Variants in TBXAS1 observed in about 807,000 individuals in gnomAD.
The protein encoded by TBXAS1 is thromboxane A synthase 1, also known as thromboxane-A synthase.
In TBXAS1, 48 loss-of-function variants were observed where a neutral mutation model predicts 60.7. That is an observed-to-expected ratio of 0.79 (90% CI 0.63 to 1.01). The LOEUF is 1.01. Ranked by LOEUF, TBXAS1 falls within the 50% of genes least tolerant of loss-of-function variation. The pLI is 0.00. For synonymous variants in TBXAS1, 287 were observed against 269.7 expected (o/e 1.06, Z -0.63); for missense variants, 685 against 686.3 (o/e 1.00, Z 0.02).
At chr7:139,951,849 AGG>A (rs1809332269) in intron 5 of TBXAS1, among the ~76,000 whole-genome samples, 2 of 25,804 alleles carry the variant, frequency 7.8e-5, no homozygotes, top group East Asian at 1.9e-3. Context: ...GAAAGAAGGA[AGG>A]AAGGAAGGAA....
At chr7:139,799,834 CAG>C (rs1234809105) in intron 4 of TBXAS1, among the ~76,000 whole-genome samples, 2 of 152,202 alleles carry the variant, frequency 1.3e-5, no homozygotes, top group African/African-American at 4.8e-5. Flanking sequence ...GCTTCTGACT[CAG>C]AGTGTATGAG....
intron 1 of TBXAS1, among the ~76,000 whole-genome samples, chr7:139,857,031 C>T (rs970011155): frequency 7.2e-5 from 11 of 152,118 alleles, no homozygotes; most frequent in African/African-American, 2.7e-4. Context: ...CCCATCATGG[C>T]CAAGAACTCA....
intron 4 of TBXAS1, among the ~76,000 whole-genome samples, chr7:139,802,230 A>AT (rs1234553066): frequency 6.6e-6 from 1 of 152,060 alleles, no homozygotes; most frequent in East Asian, 1.9e-4. Context: ...CTACAGTAAC[A>AT]TTTTTTCTTT....
chr7:139,993,703 A>G (rs952600418), intron 9 of TBXAS1, among the ~76,000 whole-genome samples: 5 of 152,060 alleles, frequency 3.3e-5, no homozygotes, highest in African/African-American at 1.2e-4. Flanking sequence ...CTCCAATGCA[A>G]TGTAGCAGTG....
At chr7:140,007,061 C>A in intron 9 of TBXAS1, 30 bp from the exon 10 acceptor site, 1 of 1,599,216 alleles carries the variant, frequency 6.3e-7, no homozygotes, top group Non-Finnish European at 8.6e-7. Flanking sequence ...CTAACACGAA[C>A]TTCTCCCTTT....
At chr7:139,995,917 CCTCT>C (rs2117630271) in intron 9 of TBXAS1, among the ~76,000 whole-genome samples, 1 of 152,256 alleles carries the variant, frequency 6.6e-6, no homozygotes, top group South Asian at 2.1e-4. Context: ...TCATTCATCC[CCTCT>C]CTAACTACTC....
rs912080248 is a variant in TBXAS1, at chr7:139,975,763, C to T, written c.1134+13530C>T. Among the ~76,000 whole-genome samples, 2 of 152,226 alleles carry T rather than the reference C, an allele frequency of 1.3e-5. No individual in the cohort carries two copies. The highest frequency in any genetic ancestry group is 2.9e-5 in the Non-Finnish European group (2 of 68,040). ...AGCTTTTTCTCCCTCTTGCCATGTC[C>T]TTTTCACGGTCCATCCTCTGAGTTT... On this transcript the variant is annotated intron_variant, in intron 9 of 12. Transcript: ENST00000448866. The surrounding 1 kb of genome is among the most constrained non-coding windows in gnomAD (Gnocchi z 4.4).
chr7:140,015,928 A>T, intron 11 of TBXAS1, 68 bp downstream of exon 11: 1 of 1,607,766 alleles, frequency 6.2e-7, no homozygotes, highest in Non-Finnish European at 8.5e-7. Flanking sequence ...TTACCAGTGG[A>T]GGCAGCAGCC....
chr7:139,785,659 A>G (rs977370696), intron 3 of TBXAS1, among the ~76,000 whole-genome samples: 1 of 152,008 alleles, frequency 6.6e-6, no homozygotes, highest in Non-Finnish European at 1.5e-5. Context: ...TGTTGACAAC[A>G]TTGGCTTCCT....
intron 4 of TBXAS1, among the ~76,000 whole-genome samples, chr7:139,821,590 T>TC (rs1157350612): frequency 6.6e-6 from 1 of 152,212 alleles, no homozygotes; most frequent in African/African-American, 2.4e-5. Context: ...TCTGCCCTTA[T>TC]CACAGGCAGG....
chr7:139,866,339 T>C (rs910516639), intron 1 of TBXAS1, among the ~76,000 whole-genome samples: 1 of 152,190 alleles, frequency 6.6e-6, no homozygotes, highest in Non-Finnish European at 1.5e-5. Flanking sequence ...GTTTAGTAAA[T>C]TATAATATGT....
At chr7:139,977,316 G>T (rs577674219) in intron 9 of TBXAS1, among the ~76,000 whole-genome samples, 5 of 152,178 alleles carry the variant, frequency 3.3e-5, no homozygotes, top group Admixed American at 2.6e-4. Context: ...CGTGGATGGC[G>T]GCAGGCAAAG....
chr7:139,796,698 G>C (rs1382646018), intron 4 of TBXAS1, among the ~76,000 whole-genome samples: 2 of 152,168 alleles, frequency 1.3e-5, no homozygotes, highest in East Asian at 3.8e-4. Context: ...CCACATTAAT[G>C]TAAGATGTTA....
chr7:139,911,584 A>G (rs1261193322), intron 4 of TBXAS1, among the ~76,000 whole-genome samples: 2 of 152,192 alleles, frequency 1.3e-5, no homozygotes, highest in African/African-American at 4.8e-5. Flanking sequence ...TAAAACCAAG[A>G]GGGTTTTCTA....
At chr7:139,991,763 GC>G (rs1812926147) in intron 9 of TBXAS1, among the ~76,000 whole-genome samples, 1 of 152,204 alleles carries the variant, frequency 6.6e-6, no homozygotes, top group Non-Finnish European at 1.5e-5. Flanking sequence ...TAGAAGAGCA[GC>G]CCCATAGCAG....
chr7:140,015,986 G>A (rs1168651028), intron 11 of TBXAS1, 126 bp downstream of exon 11: 1 of 1,325,600 alleles, frequency 7.5e-7, no homozygotes, highest in Non-Finnish European at 1.1e-6. Flanking sequence ...CAAAAGTTAT[G>A]GCAATTCAGA....
chr7:139,948,360 A>G (rs1474285464), intron 5 of TBXAS1, among the ~76,000 whole-genome samples: 4 of 152,126 alleles, frequency 2.6e-5, no homozygotes, highest in Admixed American at 6.5e-5. Flanking sequence ...AAGGACACCA[A>G]TCCTATTGGA....
At position 140,007,195 on chromosome 7, in the gene TBXAS1, C is replaced by T. The variant is rs1814153858; in HGVS notation, c.1226+13C>T. The stretch of plus-strand genomic sequence containing the variant: ...CGCCAGCTTTCAGGTGTGTGGTAGC[C>T]CCCTCCCCTGCCCGAGTCCCCACCT... On this transcript the variant is annotated intron_variant, in intron 10 of 12. Transcript: ENST00000448866. 6.2e-7 allele frequency: 1 copy of T among 1,613,570 alleles called. No homozygotes were observed. The highest frequency in any genetic ancestry group is 1.7e-5 in the Admixed American group (1 of 59,986).
intron 1 of TBXAS1, among the ~76,000 whole-genome samples, chr7:139,849,392 A>C (rs1464280556): frequency 7.4e-6 from 1 of 135,738 alleles, no homozygotes; most frequent in Admixed American, 8.0e-5. Flanking sequence ...ACAAAAAACA[A>C]AAAACAACAA....
Sources: gnomAD v4.1 joint callset for allele counts (sites outside exome capture counted in the v4.1 genomes callset) on GRCh38, gnomAD v4.1.1 for gene constraint, Gnocchi (gnomAD v3.1) non-coding constraint, MANE v1.5 for transcripts, NCBI Gene and HGNC (gene_info 2026-07-23, HGNC 2026-07-21) for gene names.